The following ACTR3B variants were observed in gnomAD, a reference collection of about 807,000 sequenced individuals.
ACTR3B encodes the protein actin-related protein 3B.
In ACTR3B, 8 loss-of-function variants were observed where a neutral mutation model predicts 59.0. That is an observed-to-expected ratio of 0.14 (90% CI 0.08 to 0.24). ACTR3B has a LOEUF of 0.24. ACTR3B is among the 10% of genes least tolerant of loss of function. The probability of loss-of-function intolerance (pLI) is 1.00; values close to 1 mark genes in which losing one functional copy is unlikely to be tolerated. For missense variants in ACTR3B, 245 were observed against 552.3 expected (o/e 0.44, Z 5.58); for synonymous variants, 148 against 197.9 (o/e 0.75, Z 2.12).
At chr7:152,819,941 C>T (rs1407997073) in intron 6 of ACTR3B, among the ~76,000 whole-genome samples, 4 of 152,160 alleles carry the variant, frequency 2.6e-5, no homozygotes, top group African/African-American at 4.8e-5. Flanking sequence ...AAAACTTTTT[C>T]CTTTTTATCA....
intron 9 of ACTR3B, among the ~76,000 whole-genome samples, chr7:152,840,768 C>T (rs776611093): frequency 3.7e-3 from 187 of 50,366 alleles, no homozygotes; most frequent in Non-Finnish European, 6.1e-3. Context: ...CTGCTGTCGG[C>T]GGCGGGGTGA....
intron 9 of ACTR3B, among the ~76,000 whole-genome samples, chr7:152,837,923 G>A (rs1332549821): frequency 1.4e-4 from 22 of 151,954 alleles, no homozygotes; most frequent in Non-Finnish European, 1.5e-5. Flanking sequence ...CTTGTATAAA[G>A]TAACTTTTAG....
At chr7:152,779,770 G>T (rs2098145941) in intron 1 of ACTR3B, among the ~76,000 whole-genome samples, 1 of 152,112 alleles carries the variant, frequency 6.6e-6, no homozygotes. Flanking sequence ...ATATTTAATA[G>T]ATTGTCATTG....
At chr7:152,835,688 C>T (rs1189334535) in intron 9 of ACTR3B, among the ~76,000 whole-genome samples, 2 of 152,192 alleles carry the variant, frequency 1.3e-5, no homozygotes, top group African/African-American at 4.8e-5. Flanking sequence ...AGTGAGGCGT[C>T]CTGACCACCC....
intron 9 of ACTR3B, among the ~76,000 whole-genome samples, chr7:152,827,582 G>A (rs2948931): frequency 1.2e-4 from 18 of 151,406 alleles, no homozygotes; most frequent in Non-Finnish European, 1.8e-4. Flanking sequence ...TGGTGTGGTC[G>A]GCAGTAGGCT....
At chr7:152,788,632 T>C (rs1490523218) in intron 2 of ACTR3B, among the ~76,000 whole-genome samples, 3 of 151,976 alleles carry the variant, frequency 2.0e-5, no homozygotes, top group Admixed American at 6.5e-5. Flanking sequence ...AGGCTGGTCT[T>C]GAACTCCTGA....
intron 1 of ACTR3B, among the ~76,000 whole-genome samples, chr7:152,778,894 G>A (rs1157990637): frequency 2.3e-5 from 3 of 128,930 alleles, no homozygotes; most frequent in Non-Finnish European, 4.7e-5. Flanking sequence ...AGTGAGCCGT[G>A]ATCACACCAC....
chr7:152,845,032 A>C (rs987244533), intron 9 of ACTR3B, among the ~76,000 whole-genome samples: 14 of 148,502 alleles, frequency 9.4e-5, no homozygotes, highest in Non-Finnish European at 1.9e-4. Flanking sequence ...TGGTGAGACC[A>C]TCTTGTCCAC....
chr7:152,795,776 C>T (rs1335124360), intron 2 of ACTR3B, among the ~76,000 whole-genome samples: 1 of 151,982 alleles, frequency 6.6e-6, no homozygotes, highest in East Asian at 1.9e-4. Flanking sequence ...TTACATTAAA[C>T]ACACCCGTGC....
In ACTR3B at chr7:152,823,374, C is replaced by T; in HGVS notation, c.717C>T (p.Val239=). Residue 239 remains valine, a synonymous_variant, in exon 8 of 12, where the codon GTC becomes GTT. Coordinates refer to ENST00000256001, the MANE Select transcript of ACTR3B (RefSeq NM_020445.6). ...ACTGTTACATTTGCCCCGATATAGT[C>T]AAGGAATTTGCCAAGTATGATGTGG... The part of the protein sequence containing the change: ...EKYCYICPDI[V]KEFAKYDVDP... 2.5e-6 allele frequency: 4 copies of T among 1,614,208 alleles called. No homozygotes were observed. The highest frequency in any genetic ancestry group is 3.4e-6 in the Non-Finnish European group (4 of 1,180,034).
chr7:152,850,158 A>C (rs1798680799), intron 9 of ACTR3B, among the ~76,000 whole-genome samples: 1 of 150,360 alleles, frequency 6.7e-6, no homozygotes, highest in Non-Finnish European at 1.5e-5. Flanking sequence ...TCCAGGTGGA[A>C]GGCCAGCTTC....
At chr7:152,847,314 C>T (rs1345251670) in intron 9 of ACTR3B, among the ~76,000 whole-genome samples, 1 of 152,230 alleles carries the variant, frequency 6.6e-6, no homozygotes, top group Non-Finnish European at 1.5e-5. Flanking sequence ...AACACAGCAA[C>T]TGCCTGCTGA....
chr7:152,817,686 A>C (rs1417689230), intron 6 of ACTR3B, among the ~76,000 whole-genome samples: 1 of 152,152 alleles, frequency 6.6e-6, no homozygotes, highest in East Asian at 1.9e-4. Flanking sequence ...TATGTTACAG[A>C]TAATGTTTCT....
intron 2 of ACTR3B, among the ~76,000 whole-genome samples, chr7:152,791,235 T>C (rs1367248709): frequency 6.6e-6 from 1 of 152,150 alleles, no homozygotes; most frequent in Non-Finnish European, 1.5e-5. Flanking sequence ...GGTCTTGAAC[T>C]CCTGGCCTCA....
intron 1 of ACTR3B, among the ~76,000 whole-genome samples, chr7:152,765,760 T>G (rs1400277203): frequency 6.6e-6 from 1 of 151,828 alleles, no homozygotes; most frequent in African/African-American, 2.4e-5. Flanking sequence ...TGAGACCAGT[T>G]CAGTAAAAGT....
chr7:152,765,601 T>A (rs2098107229), intron 1 of ACTR3B, among the ~76,000 whole-genome samples: 1 of 152,024 alleles, frequency 6.6e-6, no homozygotes, highest in Admixed American at 6.6e-5. Flanking sequence ...TTTAAAAAAA[T>A]CTTCACCTTA....
rs1240015808 is a variant in ACTR3B at position 152,854,755 on chromosome 7, T to G, written c.*202T>G. ...TGCCGACCGCTGTCTGCCAGCCTCC[T>G]CCTTCTCCCGCCCTCCTCACCCTCG... On this transcript the variant is annotated 3_prime_UTR_variant, in exon 12 of 12. Coordinates refer to ENST00000256001, the MANE Select transcript of ACTR3B (RefSeq NM_020445.6). The surrounding 1 kb of genome is among the most constrained non-coding windows in gnomAD (Gnocchi z 4.9). 3.8e-6 allele frequency: 2 copies of G among 532,164 alleles called. No individual in the cohort carries two copies. The highest frequency in any genetic ancestry group is 6.4e-5 in the East Asian group (2 of 31,480). The allele number at this position is 532,164 out of a possible 1,614,324, so 33.0% of individuals were successfully genotyped here.
intron 6 of ACTR3B, among the ~76,000 whole-genome samples, chr7:152,818,745 G>A (rs893913296): frequency 2.0e-5 from 3 of 152,188 alleles, no homozygotes; most frequent in African/African-American, 2.4e-5. Flanking sequence ...CACTATGCCC[G>A]GCCTAAGCTC....
chr7:152,789,760 G>A (rs2098188511), intron 2 of ACTR3B, among the ~76,000 whole-genome samples: 2 of 152,038 alleles, frequency 1.3e-5, no homozygotes, highest in Admixed American at 1.3e-4. Flanking sequence ...GACAGCAGGT[G>A]CTTTTTTGAC....
Sources: allele counts gnomAD v4.1 joint callset (sites outside exome capture counted in the v4.1 genomes callset), GRCh38; gene constraint gnomAD v4.1.1; non-coding constraint Gnocchi (gnomAD v3.1); transcripts MANE v1.5; gene names NCBI Gene and HGNC (gene_info 2026-07-23, HGNC 2026-07-21).